Variants in CRB1 observed in about 807,000 individuals in gnomAD.
CRB1 encodes the protein crumbs cell polarity complex component 1, also known as protein crumbs homolog 1.
A neutral mutation model predicts 120.0 loss-of-function variants in CRB1; 83 were observed. The ratio of observed to expected loss-of-function variants is 0.69; its 90% CI spans 0.58 to 0.83. The LOEUF is 0.83. Ranked by LOEUF, CRB1 falls within the 40% of genes least tolerant of loss-of-function variation. The pLI is 0.00. For synonymous variants in CRB1, 625 were observed against 612.5 expected (o/e 1.02, Z -0.30); for missense variants, 1,699 against 1,687.6 (o/e 1.01, Z -0.12).
the CRB1 span, among the ~76,000 whole-genome samples, chr1:197,261,058 G>A: frequency 7.1e-4 from 108 of 152,248 alleles, no homozygotes; most frequent in African/African-American, 2.4e-3. Context: ...GCAAATCATT[G>A]AGGAGTAAAT....
chr1:197,465,138 A>C (rs1231671111), intron 11 of CRB1, among the ~76,000 whole-genome samples: 4 of 152,232 alleles, frequency 2.6e-5, no homozygotes, highest in Non-Finnish European at 5.9e-5. Context: ...CTTTAGCTTT[A>C]TTGTATGATC....
chr1:197,327,100 A>C lies in CRB1; in HGVS notation c.71-1322A>C, dbSNP rs7529604. Among the ~76,000 whole-genome samples the C allele has an allele frequency of 6.4e-3, 320 of 50,060 alleles. 2 individuals carry two copies. The highest frequency in any genetic ancestry group is 0.021 in the South Asian group (25 of 1,182). 32.8% of individuals were successfully genotyped at this position (50,060 alleles called of 152,430 possible). On this transcript the variant is annotated intron_variant, in intron 1 of 11. Coordinates refer to ENST00000367400, the MANE Select transcript of CRB1 (RefSeq NM_201253.3). ...CTTAATTCTCACACACCAAAAAAAA[A>C]AAAAAAAAAAAAAAAAAAAAAAAAA... is the stretch of plus-strand genomic sequence containing the variant.
chr1:197,291,377 G>A (rs2125237923), intron 1 of CRB1, among the ~76,000 whole-genome samples: 1 of 151,594 alleles, frequency 6.6e-6, no homozygotes, highest in Non-Finnish European at 1.5e-5. Context: ...AATTACATTG[G>A]GAAATTTAAT....
intron 1 of CRB1, among the ~76,000 whole-genome samples, chr1:197,310,005 A>T (rs987729319): frequency 6.6e-6 from 1 of 152,170 alleles, no homozygotes; most frequent in Non-Finnish European, 1.5e-5. Context: ...AAATGAAAAT[A>T]GTTTAAACCA....
chr1:197,307,817 T>G (rs1413256868), intron 1 of CRB1, among the ~76,000 whole-genome samples: 1 of 152,200 alleles, frequency 6.6e-6, no homozygotes, highest in Non-Finnish European at 1.5e-5. Flanking sequence ...CTATATAACT[T>G]GGAAACATTC....
intron 1 of CRB1, among the ~76,000 whole-genome samples, chr1:197,328,166 C>T (rs993073865): frequency 6.6e-6 from 1 of 152,104 alleles, no homozygotes; most frequent in Non-Finnish European, 1.5e-5. Flanking sequence ...TTAAAATATC[C>T]TATAACTTCT....
chr1:197,238,854 A>G, the CRB1 span, among the ~76,000 whole-genome samples: 20 of 152,156 alleles, frequency 1.3e-4, no homozygotes, highest in African/African-American at 4.8e-4. Flanking sequence ...CAAAAAAAAA[A>G]ATCACCAGCT....
chr1:197,408,275 T>G (rs984385538), intron 5 of CRB1, among the ~76,000 whole-genome samples: 1 of 152,106 alleles, frequency 6.6e-6, no homozygotes, highest in Non-Finnish European at 1.5e-5. Context: ...TTGGGATTTT[T>G]AAAAAACTGA....
At chr1:197,475,543 C>T (rs1234052774) in intron 11 of CRB1, among the ~76,000 whole-genome samples, 1 of 152,150 alleles carries the variant, frequency 6.6e-6, no homozygotes, top group Admixed American at 6.5e-5. Context: ...TTCTCTGCCT[C>T]CAATTTCTTC....
intron 11 of CRB1, among the ~76,000 whole-genome samples, chr1:197,477,148 G>A (rs1412458516): frequency 6.6e-6 from 1 of 152,100 alleles, no homozygotes; most frequent in Non-Finnish European, 1.5e-5. Flanking sequence ...AACCCCCTGC[G>A]AGACCAGCGT....
At position 197,427,683 on chromosome 1, in the gene CRB1, T is replaced by C. The variant is rs1371610654; in HGVS notation, c.2358T>C (p.Phe786=). The C allele has an allele frequency of 3.1e-6, 5 of 1,613,954 alleles. No individual in the cohort carries two copies. Among genetic ancestry groups the C allele is most frequent in the Non-Finnish European group, 3.4e-6 (4 of 1,179,940 alleles). ...ACTCTCCCAAATTAGTAGTAAAATT[T>C]GTTCTTAATGATGGAAATGTCCACT... ...TPNSPKLVVK[F]VLNDGNVHLI... is the part of the protein sequence containing the mutation. The change falls in exon 7 of 12, where the codon TTT becomes TTC. Residue 786 remains phenylalanine (F), a synonymous_variant. Coordinates refer to ENST00000367400, the MANE Select transcript of CRB1 (RefSeq NM_201253.3).
chr1:197,459,953 T>C (rs891252527), intron 11 of CRB1, among the ~76,000 whole-genome samples: 6 of 150,704 alleles, frequency 4.0e-5, no homozygotes, highest in African/African-American at 1.2e-4. Flanking sequence ...TAATTAGAAG[T>C]TTTCACTAGG....
In CRB1 at chr1:197,419,406, A is replaced by G. The variant is rs1235236979; in HGVS notation, c.1172-1594A>G. On this transcript the variant is annotated intron_variant, in intron 5 of 11. Coordinates refer to ENST00000367400, the MANE Select transcript of CRB1 (RefSeq NM_201253.3). Reference sequence around the variant, plus strand: ...AGACAAGAGTCTCGCTTTGTTGCCCAGGCTGGAGAGCAGTGGCATGATCTT... The same window carrying G: ...AGACAAGAGTCTCGCTTTGTTGCCCGGGCTGGAGAGCAGTGGCATGATCTT... Among the ~76,000 whole-genome samples the G allele has an allele frequency of 3.3e-5, 5 of 149,264 alleles. No homozygotes were observed. In the East Asian group the frequency reaches 9.9e-4, roughly 29 times the overall value.
chr1:197,309,581 T>C (rs1052321417), intron 1 of CRB1, among the ~76,000 whole-genome samples: 6 of 151,802 alleles, frequency 4.0e-5, no homozygotes, highest in East Asian at 3.9e-4. Flanking sequence ...GGTGAAAACC[T>C]GTCTCTACTA....
At chr1:197,218,182 C>T in the CRB1 span, among the ~76,000 whole-genome samples, 1 of 152,272 alleles carries the variant, frequency 6.6e-6, no homozygotes, top group Non-Finnish European at 1.5e-5. Context: ...GAGCTTGCCA[C>T]CTATGCCGGG....
At chr1:197,466,218 C>T (rs191479105) in intron 11 of CRB1, among the ~76,000 whole-genome samples, 9 of 152,258 alleles carry the variant, frequency 5.9e-5, no homozygotes, top group Admixed American at 2.0e-4. Flanking sequence ...GTTGAAGGGA[C>T]GATGCATTGG....
At chr1:197,374,717 A>G (rs1661553836) in intron 5 of CRB1, among the ~76,000 whole-genome samples, 1 of 152,150 alleles carries the variant, frequency 6.6e-6, no homozygotes, top group African/African-American at 2.4e-5. Context: ...ATCATCATCA[A>G]ATAAAATCAT....
chr1:197,442,369 G>A (rs190087193), intron 11 of CRB1, 77 bp downstream of exon 11: 159 of 1,609,932 alleles, frequency 9.9e-5, no homozygotes, highest in Non-Finnish European at 1.2e-4. Flanking sequence ...CTCATTTTGC[G>A]TATGAATGAC....
chr1:197,354,208 G>A (rs1660289184), intron 4 of CRB1, among the ~76,000 whole-genome samples: 1 of 152,154 alleles, frequency 6.6e-6, no homozygotes, highest in Non-Finnish European at 1.5e-5. Flanking sequence ...ATGTGCAAAT[G>A]GTACAACTAG....
Sources: allele counts gnomAD v4.1 joint callset (sites outside exome capture counted in the v4.1 genomes callset), GRCh38; gene constraint gnomAD v4.1.1; transcripts MANE v1.5; gene names NCBI Gene and HGNC (gene_info 2026-07-23, HGNC 2026-07-21).